The following MICU3 variants were observed in gnomAD, a reference collection of about 807,000 sequenced individuals.
MICU3 encodes calcium uptake protein 3, mitochondrial.
In MICU3, 62 loss-of-function variants were observed where a neutral mutation model predicts 66.5. The observed-to-expected ratio is 0.93, with a 90% CI of 0.76 to 1.15. The LOEUF (loss-of-function observed/expected upper bound fraction) is 1.15, where lower values mean the gene tolerates loss of function less well. Ranked by LOEUF, MICU3 falls within the 50% of genes most tolerant of loss-of-function variation. The pLI is 0.00. For synonymous variants in MICU3, 308 were observed against 240.7 expected (o/e 1.28, Z -2.59); for missense variants, 779 against 664.4 (o/e 1.17, Z -1.90).
Position 17,027,613 on chromosome 8 carries a change from C to G in MICU3, c.334C>G (p.Arg112Gly). The G allele has an allele frequency of 7.6e-7, 1 of 1,310,166 alleles. No homozygotes were observed. Among genetic ancestry groups the G allele is most frequent in the South Asian group, 2.3e-5 (1 of 44,162 alleles). The allele number at this position is 1,310,166 out of a possible 1,614,324, so 81.2% of individuals were successfully genotyped here. A position where few individuals can be genotyped will look rare whatever the true frequency, so the allele number is the denominator to read the frequency against. Residue 112 changes from arginine to glycine, a missense_variant, in exon 1 of 15, where the codon CGC becomes GGC. Physicochemically the swap from Arg to Gly is moderately radical, Grantham distance 125. Coordinates refer to ENST00000318063, the MANE Select transcript of MICU3 (RefSeq NM_181723.3). ...GGCCACGGAGCCCGAGGACCCGCCC[C>G]GCGGCCGGGGGATGCTGCCCATCCC... is the stretch of plus-strand genomic sequence containing the variant. ...SAATEPEDPP[R>G]GRGMLPIPVA...
intron 2 of MICU3, 54 bp downstream of exon 2, chr8:17,064,291 C>T: frequency 7.1e-7 from 1 of 1,409,752 alleles, no homozygotes; most frequent in Non-Finnish European, 9.8e-7. Flanking sequence ...TTATCTCTAG[C>T]TTGTGAATGG....
chr8:17,111,695 A>G (rs1451365956), intron 11 of MICU3, among the ~76,000 whole-genome samples: 1 of 152,302 alleles, frequency 6.6e-6, no homozygotes, highest in Middle Eastern at 3.4e-3. Flanking sequence ...GTTTTTATAA[A>G]TGGTATGAAG....
chr8:17,119,098 G>A (rs1802969539), intron 14 of MICU3, among the ~76,000 whole-genome samples: 1 of 152,064 alleles, frequency 6.6e-6, no homozygotes, highest in South Asian at 2.1e-4. Context: ...TATTTTAGTT[G>A]TCTGGCACTA....
At chr8:17,056,309 C>T (rs773528634) in intron 1 of MICU3, among the ~76,000 whole-genome samples, 55 of 152,238 alleles carry the variant, frequency 3.6e-4, no homozygotes, top group Non-Finnish European at 7.2e-4. Context: ...TCCTCTATTC[C>T]TGGCTGAGGT....
At chr8:17,085,824 T>C (rs963510818) in intron 6 of MICU3, among the ~76,000 whole-genome samples, 2 of 152,168 alleles carry the variant, frequency 1.3e-5, no homozygotes, top group African/African-American at 4.8e-5. Context: ...ATATTTACCT[T>C]TTGATGTTTC....
At chr8:17,128,035 G>A in the MICU3 span, among the ~76,000 whole-genome samples, 1 of 152,178 alleles carries the variant, frequency 6.6e-6, no homozygotes, top group South Asian at 2.1e-4. Flanking sequence ...AGAGTTCACA[G>A]ATGGTTGGAA....
intron 8 of MICU3, among the ~76,000 whole-genome samples, chr8:17,093,319 C>A (rs542602817): frequency 6.6e-6 from 1 of 152,012 alleles, no homozygotes; most frequent in African/African-American, 2.4e-5. Flanking sequence ...CTAAATTCTC[C>A]TAGTTTCATT....
rs144968853 is a variant in MICU3, at chr8:17,122,440, A to T, written c.*2153A>T. On this transcript the variant is annotated 3_prime_UTR_variant, in exon 15 of 15. Transcript: ENST00000318063. Reference sequence around the variant, plus strand: ...CTATAAACTGTTCTTTGGAAAAATTAAGTTATACATAAAATTCATATTAAA... The same window carrying T: ...CTATAAACTGTTCTTTGGAAAAATTTAGTTATACATAAAATTCATATTAAA... The T allele has an allele frequency of 3.8e-4, 58 of 152,012 alleles. No homozygotes were observed. The East Asian group carries it at 9.3e-3, about 24-fold the overall frequency. 9.4% of individuals were successfully genotyped at this position (152,012 alleles called of 1,614,324 possible). A position where few individuals can be genotyped will look rare whatever the true frequency, so the allele number is the denominator to read the frequency against.
intron 1 of MICU3, among the ~76,000 whole-genome samples, chr8:17,028,349 C>A (rs1473521309): frequency 6.6e-6 from 1 of 152,110 alleles, no homozygotes; most frequent in Non-Finnish European, 1.5e-5. Context: ...GACACAAACT[C>A]CTACAGAAGA....
intron 14 of MICU3, among the ~76,000 whole-genome samples, chr8:17,120,015 G>A (rs114512573): frequency 0.013 from 1,909 of 152,222 alleles, 26 homozygotes; most frequent in African/African-American, 0.043. Flanking sequence ...GTTCCCGACC[G>A]ACTTGTAGTA....
chr8:17,069,626 A>T, intron 2 of MICU3, 62 bp from the exon 3 acceptor site: 2 of 1,089,754 alleles, frequency 1.8e-6, no homozygotes, highest in Non-Finnish European at 2.7e-6. Flanking sequence ...ATGGTTAGCA[A>T]ATATGGATAT....
Position 17,051,359 on chromosome 8 carries a change from C to T in MICU3, c.382-12725C>T, listed in dbSNP as rs556224980. Among the ~76,000 whole-genome samples the T allele has an allele frequency of 4.0e-4, 61 of 152,266 alleles. 1 individual carries two copies. The highest frequency in any genetic ancestry group is 1.3e-3 in the African/African-American group (55 of 41,544). On this transcript the variant is annotated intron_variant, in intron 1 of 14. Transcript: ENST00000318063. ...TAGAAGCCAAAAACTCTTCTAGGCA[C>T]TGGGGAAACTAAAGTGTACCAAGTA...
In MICU3 at chr8:17,105,409, A is replaced by G. The variant is rs2150813761; in HGVS notation, c.1086-4A>G. On this transcript the variant is annotated splice_polypyrimidine_tract_variant and splice_region_variant and intron_variant, in intron 10 of 14. Coordinates refer to ENST00000318063, the MANE Select transcript of MICU3 (RefSeq NM_181723.3). The stretch of plus-strand genomic sequence containing the variant: ...TTTCCTTCTTTATTACATTTTTGTC[A>G]TAGATTCATGGATAATCTCCAAACA... The G allele has an allele frequency of 6.6e-7, 1 of 1,506,796 alleles. No individual in the cohort carries two copies. Among genetic ancestry groups the G allele is most frequent in the Non-Finnish European group, 9.0e-7 (1 of 1,112,956 alleles). The allele number at this position is 1,506,796 out of a possible 1,614,324, so 93.3% of individuals were successfully genotyped here.
At chr8:17,080,510 TC>T (rs1182730693) in intron 4 of MICU3, among the ~76,000 whole-genome samples, 6 of 152,146 alleles carry the variant, frequency 3.9e-5, no homozygotes, top group Non-Finnish European at 1.5e-5. Flanking sequence ...CATGCCCATT[TC>T]CCATCCCATT....
At chr8:17,134,047 AG>A in the MICU3 span, 1 of 152,208 alleles carries the variant, frequency 6.6e-6, no homozygotes, top group African/African-American at 2.4e-5. Flanking sequence ...GATGAATATT[AG>A]AATTGTTTTA....
At chr8:17,088,520 C>T (rs1799710596) in intron 7 of MICU3, among the ~76,000 whole-genome samples, 1 of 151,510 alleles carries the variant, frequency 6.6e-6, no homozygotes, top group South Asian at 2.1e-4. Flanking sequence ...ACTGAATAGG[C>T]AAGTTGTTAA....
intron 1 of MICU3, among the ~76,000 whole-genome samples, chr8:17,045,524 A>G (rs896730412): frequency 4.6e-5 from 7 of 152,198 alleles, no homozygotes; most frequent in Admixed American, 2.6e-4. Flanking sequence ...AAAGTCCCCA[A>G]TGAAGTCCCG....
At chr8:17,039,235 G>T (rs1321939054) in intron 1 of MICU3, among the ~76,000 whole-genome samples, 1 of 152,298 alleles carries the variant, frequency 6.6e-6, no homozygotes, top group Admixed American at 6.5e-5. Context: ...ATATGCACTG[G>T]GAAACCAGAA....
At chr8:17,128,743 G>C in the MICU3 span, among the ~76,000 whole-genome samples, 3 of 152,156 alleles carry the variant, frequency 2.0e-5, no homozygotes, top group African/African-American at 7.2e-5. Context: ...TACAGCAGAA[G>C]TAAGTGGAGC....
Sources: allele counts gnomAD v4.1 joint callset (sites outside exome capture counted in the v4.1 genomes callset), GRCh38; gene constraint gnomAD v4.1.1; transcripts MANE v1.5; gene names NCBI Gene and HGNC (gene_info 2026-07-23, HGNC 2026-07-21).